PTP4A1: variants seen among roughly 807,000 people sequenced by gnomAD.
PTP4A1 encodes the protein protein tyrosine phosphatase type IVA 1.
In PTP4A1, 9 loss-of-function variants were observed where a neutral mutation model predicts 20.5. The ratio of observed to expected loss-of-function variants is 0.44; its 90% CI spans 0.26 to 0.77. PTP4A1 has a LOEUF of 0.77. Among genes scored for constraint, PTP4A1 ranks in the 30% least tolerant of loss-of-function variants. The pLI is 0.19. For synonymous variants in PTP4A1, 78 were observed against 67.4 expected (o/e 1.16, Z -0.77); for missense variants, 137 against 218.8 (o/e 0.63, Z 2.36).
chr6:63,548,398 G>A (rs138196297), intron 2 of PTP4A1, among the ~76,000 whole-genome samples: 2 of 152,292 alleles, frequency 1.3e-5, no homozygotes, highest in Non-Finnish European at 2.9e-5. Flanking sequence ...AACGGCACTA[G>A]GCAAGCACTT....
At chr6:63,558,037 A>T (rs915747752) in intron 3 of PTP4A1, among the ~76,000 whole-genome samples, 1 of 151,826 alleles carries the variant, frequency 6.6e-6, no homozygotes, top group African/African-American at 2.4e-5. Context: ...ATGCCTGGGT[A>T]ATTTTTGTAT....
At chr6:63,540,163 G>T (rs1775895272) in intron 2 of PTP4A1, among the ~76,000 whole-genome samples, 1 of 152,146 alleles carries the variant, frequency 6.6e-6, no homozygotes, top group South Asian at 2.1e-4. Flanking sequence ...ATGGAATCTG[G>T]TGTGCATGGT....
intron 2 of PTP4A1, chr6:63,549,315 C>T (rs1042767667): frequency 8.0e-6 from 6 of 752,998 alleles, no homozygotes; most frequent in South Asian, 2.7e-5. Flanking sequence ...GGCTCTCTGC[C>T]GCTGCAACCT....
chr6:63,540,449 C>T (rs1004852585), intron 2 of PTP4A1, among the ~76,000 whole-genome samples: 8 of 151,824 alleles, frequency 5.3e-5, no homozygotes, highest in African/African-American at 1.9e-4. Context: ...GGTGAAACCC[C>T]GTCTCTACTG....
intron 3 of PTP4A1, among the ~76,000 whole-genome samples, chr6:63,555,857 C>T (rs113241557): frequency 6.6e-6 from 1 of 151,996 alleles, no homozygotes; most frequent in Non-Finnish European, 1.5e-5. Context: ...GAATACCCAG[C>T]TAATTTTTGC....
Position 63,580,207 on chromosome 6 carries a change from C to T in PTP4A1, c.*33C>T, listed in dbSNP as rs753655665. On this transcript the variant is annotated 3_prime_UTR_variant, in exon 6 of 6. Coordinates refer to ENST00000626021, the MANE Select transcript of PTP4A1 (RefSeq NM_003463.5). ...GTGCCTAATGCTACTGGAAGTGGAACTTGAGATAGGGCCTAATTTGTTATA... is the reference window on the plus strand; with the variant it reads ...GTGCCTAATGCTACTGGAAGTGGAATTTGAGATAGGGCCTAATTTGTTATA... The T allele has an allele frequency of 2.0e-6, 3 of 1,493,898 alleles. No homozygotes were observed. Among genetic ancestry groups the T allele is most frequent in the Non-Finnish European group, 2.8e-6 (3 of 1,072,580 alleles). 92.5% of individuals were successfully genotyped at this position (1,493,898 alleles called of 1,614,324 possible). A position where few individuals can be genotyped will look rare whatever the true frequency, so the allele number is the denominator to read the frequency against.
upstream of PTP4A1, among the ~76,000 whole-genome samples, chr6:63,568,811 A>G (rs2149501472): frequency 6.6e-6 from 1 of 152,350 alleles, no homozygotes; most frequent in South Asian, 2.1e-4. Flanking sequence ...CAATGCTGAC[A>G]GCAGCCATGG....
upstream of PTP4A1, among the ~76,000 whole-genome samples, chr6:63,518,140 T>A (rs138369072): frequency 6.8e-4 from 90 of 132,656 alleles, 1 homozygote; most frequent in East Asian, 0.019. Context: ...GGCAACACAG[T>A]GAGACTCCGT....
chr6:63,578,003 A>C (rs1777981099), intron 2 of PTP4A1, among the ~76,000 whole-genome samples: 1 of 151,948 alleles, frequency 6.6e-6, no homozygotes, highest in Non-Finnish European at 1.5e-5. Flanking sequence ...AAATCAGTAA[A>C]GTTTAAGGAG....
In PTP4A1 at chr6:63,572,607, G is replaced by A; in HGVS notation, c.-558G>A. On this transcript the variant is annotated 5_prime_UTR_variant, in exon 1 of 6. Transcript: ENST00000626021. ...CCTGCATCGCCGCCACCGCCGCTCC[G>A]CCACGACCACCGCCGCCTCCTGCCC... is the stretch of plus-strand genomic sequence containing the variant. 1 of 418,896 alleles carries A rather than the reference G, an allele frequency of 2.4e-6. No individual in the cohort carries two copies. The highest frequency in any genetic ancestry group is 1.1e-4 in the South Asian group (1 of 9,440). 25.9% of individuals were successfully genotyped at this position (418,896 alleles called of 1,614,324 possible).
intron 2 of PTP4A1, among the ~76,000 whole-genome samples, chr6:63,540,072 C>A (rs1775892200): frequency 6.6e-6 from 1 of 152,136 alleles, no homozygotes; most frequent in Non-Finnish European, 1.5e-5. Flanking sequence ...AGCTATGCAC[C>A]ATGCCCCTGC....
chr6:63,570,567 A>C (rs918813231), upstream of PTP4A1, among the ~76,000 whole-genome samples: 2 of 152,216 alleles, frequency 1.3e-5, no homozygotes, highest in African/African-American at 2.4e-5. Flanking sequence ...CAAGGCTCAC[A>C]ACTTGTATCA....
chr6:63,562,873 A>C (rs1043983158), intron 3 of PTP4A1, among the ~76,000 whole-genome samples: 6 of 152,224 alleles, frequency 3.9e-5, no homozygotes, highest in Non-Finnish European at 8.8e-5. Flanking sequence ...TTGCTAATGA[A>C]AATGTGAAAT....
chr6:63,526,742 T>A (rs941804622), intron 1 of PTP4A1, among the ~76,000 whole-genome samples: 3 of 145,888 alleles, frequency 2.1e-5, no homozygotes, highest in South Asian at 4.4e-4. Flanking sequence ...GAGGCTGCAG[T>A]GAGTCGAGAT....
In PTP4A1 at chr6:63,580,063, G is replaced by T. The variant is rs1618240; in HGVS notation, c.411G>T (p.Arg137=). The T allele has an allele frequency of 3.2e-3, 5,085 of 1,608,658 alleles. 136 individuals carry two copies. The African/African-American group carries it at 0.058, about 18-fold the overall frequency. Residue 137 remains arginine, a synonymous_variant, in exon 6 of 6, where the codon CGG becomes CGT. Coordinates refer to ENST00000626021, the MANE Select transcript of PTP4A1 (RefSeq NM_003463.5). ...TTTTTTTTTTTCCTCCCAGAAAGCG[G>T]CGTGGAGCTTTTAACAGCAAGCAAC... ...EDAVQFIRQK[R]RGAFNSKQLL...
chr6:63,530,221 T>C (rs916066472), intron 2 of PTP4A1, among the ~76,000 whole-genome samples: 10 of 152,196 alleles, frequency 6.6e-5, no homozygotes, highest in African/African-American at 1.9e-4. Context: ...CTTAACACTT[T>C]TTTTTCATAC....
At chr6:63,554,505 T>C (rs188274701) in intron 3 of PTP4A1, among the ~76,000 whole-genome samples, 1 of 152,090 alleles carries the variant, frequency 6.6e-6, no homozygotes, top group Non-Finnish European at 1.5e-5. Flanking sequence ...GAACACCTAT[T>C]ACATAATTTA....
chr6:63,578,848 A>G (rs2149516708), intron 3 of PTP4A1, 50 bp from the exon 4 acceptor site: 1 of 1,402,398 alleles, frequency 7.1e-7, no homozygotes, highest in Non-Finnish European at 9.5e-7. Context: ...AATTATTACT[A>G]CAGTGTTTAT....
intron 2 of PTP4A1, among the ~76,000 whole-genome samples, chr6:63,544,486 T>C (rs1249813536): frequency 1.3e-5 from 2 of 151,638 alleles, no homozygotes; most frequent in Non-Finnish European, 2.9e-5. Flanking sequence ...TTAGCATCAA[T>C]ACAATAGTCT....
Sources: allele counts gnomAD v4.1 joint callset (sites outside exome capture counted in the v4.1 genomes callset), GRCh38; gene constraint gnomAD v4.1.1; transcripts MANE v1.5; gene names NCBI Gene and HGNC (gene_info 2026-07-23, HGNC 2026-07-21).